The following VPS13D variants were observed in gnomAD, a reference collection of about 807,000 sequenced individuals.
VPS13D encodes the protein vacuolar protein sorting 13 homolog D.
In VPS13D, 187 loss-of-function variants were observed where a neutral mutation model predicts 461.9. The observed-to-expected ratio is 0.40, with a 90% CI of 0.36 to 0.46. The LOEUF is 0.46. VPS13D is among the 20% of genes least tolerant of loss of function. The pLI is 0.60. For missense variants in VPS13D, 4,711 were observed against 5,364.9 expected (o/e 0.88, Z 3.81); for synonymous variants, 1,951 against 1,986.3 (o/e 0.98, Z 0.47).
chr1:12,340,538 TCA>T (rs1470438856), intron 40 of VPS13D, among the ~76,000 whole-genome samples: 1 of 152,204 alleles, frequency 6.6e-6, no homozygotes, highest in Non-Finnish European at 1.5e-5. Context: ...AGTCCCAGCC[TCA>T]GTCTGGAGGT....
rs78792344 is a variant in VPS13D, at chr1:12,344,114, A to G, written c.8885+1063A>G. Reference sequence around the variant, plus strand: ...CATAAAATATCCAATAAAGTGTTGTATTATTTACAAGTATTTTTCTATGCA... The same window carrying G: ...CATAAAATATCCAATAAAGTGTTGTGTTATTTACAAGTATTTTTCTATGCA... On this transcript the variant is annotated intron_variant, in intron 42 of 69. Coordinates refer to ENST00000620676, the MANE Select transcript of VPS13D (RefSeq NM_015378.4). Among the ~76,000 whole-genome samples the G allele has an allele frequency of 4.5e-3, 678 of 152,350 alleles. 4 individuals are homozygous for G. The highest frequency in any genetic ancestry group is 0.016 in the African/African-American group (653 of 41,576).
In VPS13D at chr1:12,276,350, AGGAGCAGCGG is replaced by A; in HGVS notation, c.2766_2775del (p.Gln923ValfsTer6). 1 of 1,614,178 alleles carries A rather than the reference AGGAGCAGCGG, an allele frequency of 6.2e-7. No individual in the cohort carries two copies. Among genetic ancestry groups the A allele is most frequent in the Non-Finnish European group, 8.5e-7 (1 of 1,180,034 alleles). ...ATTAAAGAAAAGATTTTTCCCCAGG[AGGAGCAGCGG>A]GGAAGTTTGCAAGACTCCGTAATGA... On this transcript the variant is annotated frameshift_variant, in exon 19 of 70. Coordinates refer to ENST00000620676, the MANE Select transcript of VPS13D (RefSeq NM_015378.4). LOFTEE classifies it high-confidence loss of function. This position sits in a 1 kb window ranked among gnomAD's most constrained non-coding sequence, Gnocchi z 4.5.
At chr1:12,423,316 T>A (rs1267502689) in intron 65 of VPS13D, among the ~76,000 whole-genome samples, 2 of 152,196 alleles carry the variant, frequency 1.3e-5, no homozygotes, top group Non-Finnish European at 2.9e-5. Flanking sequence ...AGTTCTCATT[T>A]TTAATTAGAC....
At chr1:12,240,300 A>G (rs1208087756) in intron 2 of VPS13D, among the ~76,000 whole-genome samples, 1 of 152,118 alleles carries the variant, frequency 6.6e-6, no homozygotes, top group Non-Finnish European at 1.5e-5. Flanking sequence ...GTATTGAAAA[A>G]TAAGGTGGTT....
At chr1:12,355,367 G>A (rs1404221284) in intron 47 of VPS13D, among the ~76,000 whole-genome samples, 1 of 152,162 alleles carries the variant, frequency 6.6e-6, no homozygotes, top group Non-Finnish European at 1.5e-5. Context: ...AAACAAAGAG[G>A]AATGGTGATC....
At chr1:12,237,095 G>A (rs235254) in intron 2 of VPS13D, among the ~76,000 whole-genome samples, 6,635 of 151,482 alleles carry the variant, frequency 0.044, 300 homozygotes, top group African/African-American at 0.12. Context: ...ATATATATAT[G>A]TGTGTATGTG....
intron 2 of VPS13D, among the ~76,000 whole-genome samples, chr1:12,236,174 A>C (rs914256935): frequency 6.6e-6 from 1 of 152,160 alleles, no homozygotes; most frequent in Non-Finnish European, 1.5e-5. Context: ...GCAGGGTAGA[A>C]CAATGCTTTT....
At chr1:12,390,474 G>A (rs536994915) in intron 60 of VPS13D, among the ~76,000 whole-genome samples, 1 of 152,342 alleles carries the variant, frequency 6.6e-6, no homozygotes, top group South Asian at 2.1e-4. Context: ...TAAGGTGAGT[G>A]CCTTGGTCAG....
intron 12 of VPS13D, 152 bp from the exon 13 acceptor site, chr1:12,261,749 A>G (rs1193742734): frequency 1.6e-6 from 1 of 639,764 alleles, no homozygotes; most frequent in African/African-American, 1.8e-5. Context: ...ATTAGGAAAT[A>G]TTATAAAATA....
In VPS13D at chr1:12,310,987, G is replaced by C. The variant is rs543130341; in HGVS notation, c.6651-467G>C. Among the ~76,000 whole-genome samples, 14 of 151,020 alleles carry C rather than the reference G, an allele frequency of 9.3e-5. No individual in the cohort carries two copies. The East Asian group carries it at 2.5e-3, about 27-fold the overall frequency. On this transcript the variant is annotated intron_variant, in intron 27 of 69. Coordinates refer to ENST00000620676, the MANE Select transcript of VPS13D (RefSeq NM_015378.4). Reference sequence around the variant, plus strand: ...GCTGGAATACAGTGGCACGATCACAGCTTACTGCACCCTTGACTTCCTGGG... The same window carrying C: ...GCTGGAATACAGTGGCACGATCACACCTTACTGCACCCTTGACTTCCTGGG...
rs185020324 is a variant in VPS13D at position 12,270,817 on chromosome 1, G to A, written c.1973-177G>A. On this transcript the variant is annotated intron_variant, in intron 16 of 69. Coordinates refer to ENST00000620676, the MANE Select transcript of VPS13D (RefSeq NM_015378.4). The stretch of plus-strand genomic sequence containing the variant: ...TGCAGCCTCAGTCTCCTGGGCTCAG[G>A]CATCCTCCTGCCTTGGCCTCCCAAA... Among the ~76,000 whole-genome samples, 154 of 152,144 alleles carry A rather than the reference G, an allele frequency of 1.0e-3. 3 individuals are homozygous for A. Among genetic ancestry groups the A allele is most frequent in the African/African-American group, 3.6e-3 (148 of 41,522 alleles).
Position 12,291,376 on chromosome 1 carries a change from C to G in VPS13D, c.5852+252C>G, listed in dbSNP as rs548991763. ...AGGTGCGGTGGGTCATGCCTGTAAT[C>G]TAAGCTCTTTGGGAGGCCAAGGCAG... On this transcript the variant is annotated intron_variant, in intron 23 of 69. Transcript: ENST00000620676. Among the ~76,000 whole-genome samples the G allele has an allele frequency of 1.8e-3, 278 of 152,218 alleles. 1 individual carries two copies. The Middle Eastern group carries it at 0.024, about 13-fold the overall frequency.
At chr1:12,352,604 A>AT (rs1329112249) in intron 46 of VPS13D, among the ~76,000 whole-genome samples, 4 of 152,216 alleles carry the variant, frequency 2.6e-5, no homozygotes, top group Admixed American at 2.6e-4. Flanking sequence ...CTAAACTCTC[A>AT]TAAGTAGCTA....
intron 68 of VPS13D, among the ~76,000 whole-genome samples, chr1:12,498,712 CA>C (rs1645994160): frequency 6.6e-6 from 1 of 152,110 alleles, no homozygotes; most frequent in Non-Finnish European, 1.5e-5. Context: ...CTGAGAGGTC[CA>C]GGATCAAGGC....
In VPS13D at chr1:12,234,131, G is replaced by A. The variant is rs1030686688; in HGVS notation, c.-76-60G>A. ...ATCTACCTTCAGGCAGGTAGAGGAG[G>A]AAATTGGCTTAGAAAATCATCCTGT... On this transcript the variant is annotated intron_variant, in intron 1 of 69. Coordinates refer to ENST00000620676, the MANE Select transcript of VPS13D (RefSeq NM_015378.4). 10 of 638,844 alleles carry A rather than the reference G, an allele frequency of 1.6e-5. No homozygotes were observed. The Admixed American group carries it at 2.5e-4, about 16-fold the overall frequency. 39.6% of individuals were successfully genotyped at this position (638,844 alleles called of 1,614,324 possible).
chr1:12,321,714 T>G, intron 32 of VPS13D, 95 bp from the exon 33 acceptor site: 1 of 1,354,904 alleles, frequency 7.4e-7, no homozygotes, highest in Non-Finnish European at 1.0e-6. Context: ...TGATAACACA[T>G]GGCTGACTGC....
At chr1:12,434,909 CAAT>C (rs1645039839) in intron 65 of VPS13D, among the ~76,000 whole-genome samples, 2 of 152,122 alleles carry the variant, frequency 1.3e-5, no homozygotes, top group Non-Finnish European at 2.9e-5. Flanking sequence ...GGAGTAACAA[CAAT>C]GTTAATTTTG....
rs1167388847 is a variant in VPS13D at position 12,433,830 on chromosome 1, G to C, written c.12333+17003G>C. Among the ~76,000 whole-genome samples the C allele has an allele frequency of 2.0e-5, 3 of 152,132 alleles. No homozygotes were observed. The East Asian group carries it at 5.8e-4, about 29-fold the overall frequency. ...GACCCCACTGCCTGGCCAACAGGCT[G>C]GTGTCAGAATGTATTAGGCAGCCCT... is the stretch of plus-strand genomic sequence containing the variant. On this transcript the variant is annotated intron_variant, in intron 65 of 69. Coordinates refer to ENST00000620676, the MANE Select transcript of VPS13D (RefSeq NM_015378.4).
At chr1:12,322,017 A>G (rs1047470912) in intron 33 of VPS13D, 53 bp downstream of exon 33, 35 of 1,585,336 alleles carry the variant, frequency 2.2e-5, no homozygotes, top group Middle Eastern at 1.7e-4. Context: ...ACACTGTCCT[A>G]TGCAGGCACT....
Sources: gnomAD v4.1 joint callset for allele counts (sites outside exome capture counted in the v4.1 genomes callset) on GRCh38, gnomAD v4.1.1 for gene constraint, Gnocchi (gnomAD v3.1) non-coding constraint, MANE v1.5 for transcripts, NCBI Gene and HGNC (gene_info 2026-07-23, HGNC 2026-07-21) for gene names.